Variants in PDZRN4 observed in about 807,000 individuals in gnomAD.
PDZRN4 encodes PDZ domain-containing RING finger protein 4.
In PDZRN4, 70 loss-of-function variants were observed where a neutral mutation model predicts 99.0. That is an observed-to-expected ratio of 0.71 (90% confidence interval 0.58 to 0.86). The LOEUF is 0.86. Ranked by LOEUF, PDZRN4 falls within the 40% of genes least tolerant of loss-of-function variation. The pLI, the probability that PDZRN4 is intolerant of heterozygous loss-of-function variation, is 0.00. For synonymous variants in PDZRN4, 551 were observed against 501.6 expected (o/e 1.10, Z -1.32); for missense variants, 1,474 against 1,331.2 (o/e 1.11, Z -1.67).
Position 41,573,361 on chromosome 12 carries a change from C to A in PDZRN4, c.2582C>A (p.Ser861Tyr), listed in dbSNP as rs772824285. 6.2e-7 allele frequency: 1 copy of A among 1,613,326 alleles called. No individual in the cohort carries two copies. Among genetic ancestry groups the A allele is most frequent in the Non-Finnish European group, 8.5e-7 (1 of 1,180,016 alleles). The change falls in exon 10 of 10, where the codon TCT becomes TAT. Residue 861 changes from serine to tyrosine, a missense_variant. Transcript: ENST00000402685. Reference protein sequence around the residue: ...QSYMQLIQQKSAVEYAQSQLS... With the variant: ...QSYMQLIQQKYAVEYAQSQLS... ...TACATGCAGTTAATTCAACAGAAAT[C>A]TGCAGTCGAGTATGCTCAGAGTCAG...
intron 3 of PDZRN4, among the ~76,000 whole-genome samples, chr12:41,399,596 C>T (rs1223315037): frequency 6.6e-6 from 1 of 151,794 alleles, no homozygotes; most frequent in Non-Finnish European, 1.5e-5. Flanking sequence ...ATTAGCTAGG[C>T]ATGGTGGTGG....
intron 5 of PDZRN4, among the ~76,000 whole-genome samples, chr12:41,517,886 C>T (rs927367510): frequency 6.6e-6 from 1 of 152,082 alleles, no homozygotes; most frequent in African/African-American, 2.4e-5. Flanking sequence ...TCAAGTAGCA[C>T]ACCTCTCCGT....
chr12:41,463,718 A>G (rs1442521659), intron 3 of PDZRN4, among the ~76,000 whole-genome samples: 1 of 152,128 alleles, frequency 6.6e-6, no homozygotes, highest in African/African-American at 2.4e-5. Flanking sequence ...TTTAAGTCTA[A>G]AACAGAAATT....
At chr12:41,244,668 T>C (rs1951122023) in intron 3 of PDZRN4, among the ~76,000 whole-genome samples, 1 of 61,114 alleles carries the variant, frequency 1.6e-5, no homozygotes, top group Admixed American at 1.9e-4. Flanking sequence ...CACCAATGTC[T>C]TTTTTTTTTT....
chr12:41,265,256 A>G (rs1301109004), intron 3 of PDZRN4, among the ~76,000 whole-genome samples: 2 of 152,212 alleles, frequency 1.3e-5, no homozygotes, highest in Admixed American at 1.3e-4. Context: ...TAAAGGACAT[A>G]TATTTTACAT....
intron 5 of PDZRN4, among the ~76,000 whole-genome samples, chr12:41,514,792 G>T (rs986894143): frequency 1.3e-5 from 2 of 152,048 alleles, no homozygotes; most frequent in Admixed American, 6.6e-5. Flanking sequence ...TTTCCAGCAG[G>T]TATTTGTTCT....
chr12:41,555,625 T>C (rs1592110599), intron 6 of PDZRN4, 73 bp from the exon 7 acceptor site: 2 of 1,154,894 alleles, frequency 1.7e-6, no homozygotes, highest in Admixed American at 1.8e-5. Flanking sequence ...AAAATATATT[T>C]TAAAGCCATA....
intron 3 of PDZRN4, among the ~76,000 whole-genome samples, chr12:41,267,234 G>T (rs977684448): frequency 6.6e-6 from 1 of 152,128 alleles, no homozygotes; most frequent in African/African-American, 2.4e-5. Context: ...GGGATAAGAT[G>T]GCAAATACTT....
chr12:41,401,823 C>G (rs1565572783), intron 3 of PDZRN4, among the ~76,000 whole-genome samples: 2 of 151,954 alleles, frequency 1.3e-5, no homozygotes, highest in East Asian at 3.9e-4. Flanking sequence ...CTTTAATCTC[C>G]TAGAGTTCTC....
At chr12:41,339,547 A>G (rs1358827612) in intron 3 of PDZRN4, among the ~76,000 whole-genome samples, 6 of 152,066 alleles carry the variant, frequency 3.9e-5, no homozygotes, top group Admixed American at 2.0e-4. Context: ...AAAAAGCATC[A>G]GCAACAAAGC....
chr12:41,312,178 A>G (rs1044416098), intron 3 of PDZRN4, among the ~76,000 whole-genome samples: 1 of 151,894 alleles, frequency 6.6e-6, no homozygotes, highest in Admixed American at 6.6e-5. Flanking sequence ...CATGATCATT[A>G]TATTTCATTT....
At chr12:41,201,266 T>A (rs1373488169) in intron 3 of PDZRN4, among the ~76,000 whole-genome samples, 1 of 152,004 alleles carries the variant, frequency 6.6e-6, no homozygotes, top group African/African-American at 2.4e-5. Flanking sequence ...TAACTGGTAT[T>A]CTGTGCCACA....
intron 3 of PDZRN4, among the ~76,000 whole-genome samples, chr12:41,288,149 G>A (rs536079681): frequency 1.3e-5 from 2 of 152,260 alleles, no homozygotes; most frequent in South Asian, 4.1e-4. Context: ...GCAGTCTTAT[G>A]AGTAATACAG....
intron 3 of PDZRN4, among the ~76,000 whole-genome samples, chr12:41,448,742 T>A (rs548676498): frequency 6.6e-6 from 1 of 152,264 alleles, no homozygotes; most frequent in African/African-American, 2.4e-5. Flanking sequence ...GCCACCTATT[T>A]TAAGACACAT....
intron 3 of PDZRN4, among the ~76,000 whole-genome samples, chr12:41,454,040 G>GT (rs66922134): frequency 6.6e-6 from 1 of 150,398 alleles, no homozygotes; most frequent in Non-Finnish European, 1.5e-5. Context: ...TTCGTGTCAG[G>GT]TTTTTTTTCT....
intron 1 of PDZRN4, among the ~76,000 whole-genome samples, chr12:41,189,330 AC>A (rs932136457): frequency 3.5e-4 from 54 of 152,250 alleles, no homozygotes; most frequent in African/African-American, 1.2e-3. Flanking sequence ...AAAGAGTTAA[AC>A]AGATTCGATT....
chr12:41,518,721 A>T (rs1373026533), intron 5 of PDZRN4, among the ~76,000 whole-genome samples: 1 of 152,044 alleles, frequency 6.6e-6, no homozygotes, highest in Non-Finnish European at 1.5e-5. Context: ...GCACATTTTA[A>T]AAGGAGCATG....
Position 41,321,607 on chromosome 12 carries a change from T to A in PDZRN4, c.843+127419T>A, listed in dbSNP as rs191670182. Among the ~76,000 whole-genome samples, 78 of 152,348 alleles carry A rather than the reference T, an allele frequency of 5.1e-4. 3 individuals are homozygous for A. The highest frequency in any genetic ancestry group is 4.2e-3 in the East Asian group (22 of 5,188). ...TTCTTTTTGTTCATAATCTATTTAT[T>A]CAGCTCACTTGTAGCATCTACTCCT... is the stretch of plus-strand genomic sequence containing the variant. On this transcript the variant is annotated intron_variant, in intron 3 of 9. Transcript: ENST00000402685.
At chr12:41,450,005 C>T (rs12314473) in intron 3 of PDZRN4, among the ~76,000 whole-genome samples, 14,477 of 151,954 alleles carry the variant, frequency 0.095, 681 homozygotes, top group Non-Finnish European at 0.11. Context: ...ATGATGATGC[C>T]TTTGGGCTTC....
Sources: gnomAD v4.1 joint callset for allele counts (sites outside exome capture counted in the v4.1 genomes callset) on GRCh38, gnomAD v4.1.1 for gene constraint, MANE v1.5 for transcripts, NCBI Gene and HGNC (gene_info 2026-07-23, HGNC 2026-07-21) for gene names.